Variants in MTFMT observed in about 807,000 individuals in gnomAD.
MTFMT encodes mitochondrial methionyl-tRNA formyltransferase.
A neutral mutation model predicts 51.8 loss-of-function variants in MTFMT; 47 were observed. The observed-to-expected ratio is 0.91, with a 90% CI of 0.72 to 1.16. MTFMT has a LOEUF of 1.16. MTFMT is among the 50% of genes most tolerant of loss of function. The pLI, the probability that MTFMT is intolerant of heterozygous loss-of-function variation, is 0.00. For missense variants in MTFMT, 512 were observed against 482.3 expected (o/e 1.06, Z -0.58); for synonymous variants, 196 against 176.7 (o/e 1.11, Z -0.87).
chr15:65,017,091 T>TAAAAAAAAAAAA (rs68058563), intron 5 of MTFMT, among the ~76,000 whole-genome samples: 1 of 140,330 alleles, frequency 7.1e-6, no homozygotes, highest in Non-Finnish European at 1.5e-5. Context: ...CAAAATAAAT[T>TAAAAAAAAAAAA]AAAAAAAAAA....
chr15:65,022,115 T>G (rs2086378557), intron 3 of MTFMT, among the ~76,000 whole-genome samples: 1 of 152,340 alleles, frequency 6.6e-6, no homozygotes, highest in South Asian at 2.1e-4. Flanking sequence ...ATTATTTATT[T>G]CTATAGTCCC....
At chr15:65,022,474 A>G (rs926185220) in intron 3 of MTFMT, among the ~76,000 whole-genome samples, 2 of 151,956 alleles carry the variant, frequency 1.3e-5, no homozygotes, top group African/African-American at 2.4e-5. Context: ...AAAAAAGTAA[A>G]TGCAAGTATA....
At chr15:65,005,212 C>T (rs972109053) in intron 7 of MTFMT, among the ~76,000 whole-genome samples, 3 of 152,156 alleles carry the variant, frequency 2.0e-5, no homozygotes, top group Non-Finnish European at 4.4e-5. Flanking sequence ...TTTGTGTTAG[C>T]GCTTTGGTGA....
chr15:65,012,986 T>C (rs1595889600), intron 6 of MTFMT, among the ~76,000 whole-genome samples: 2 of 152,290 alleles, frequency 1.3e-5, no homozygotes, highest in East Asian at 1.9e-4. Flanking sequence ...AATCAATGAA[T>C]ACTGGGGTCT....
intron 6 of MTFMT, among the ~76,000 whole-genome samples, chr15:65,015,620 T>G (rs1367858769): frequency 1.3e-5 from 2 of 152,234 alleles, no homozygotes; most frequent in African/African-American, 2.4e-5. Context: ...GCGGATCACT[T>G]GAGCTCAGCA....
At chr15:65,014,909 C>T (rs980705881) in intron 6 of MTFMT, among the ~76,000 whole-genome samples, 9 of 149,644 alleles carry the variant, frequency 6.0e-5, no homozygotes, top group African/African-American at 1.5e-4. Flanking sequence ...TGGGATTACA[C>T]GTGTGAGCCA....
At chr15:65,004,103 G>A (rs1258059664) in intron 8 of MTFMT, among the ~76,000 whole-genome samples, 7 of 151,306 alleles carry the variant, frequency 4.6e-5, no homozygotes, top group African/African-American at 9.7e-5. Context: ...CACAACCTCC[G>A]CTTCCCGGGC....
At chr15:65,025,443 T>C (rs993083030) in intron 2 of MTFMT, among the ~76,000 whole-genome samples, 17 of 144,868 alleles carry the variant, frequency 1.2e-4, no homozygotes, top group African/African-American at 3.5e-4. Flanking sequence ...AAATACATTT[T>C]GGCTGCTGGA....
intron 6 of MTFMT, among the ~76,000 whole-genome samples, chr15:65,014,804 G>A (rs1004026566): frequency 4.0e-5 from 6 of 150,324 alleles, no homozygotes; most frequent in Non-Finnish European, 8.9e-5. Context: ...ATTTTTTTGT[G>A]TGTTTTTAGT....
intron 4 of MTFMT, among the ~76,000 whole-genome samples, chr15:65,021,065 G>C (rs2086370111): frequency 6.6e-6 from 1 of 152,124 alleles, no homozygotes. Context: ...TATATACAAA[G>C]CCACAGAAAA....
At chr15:65,006,960 G>A (rs2086224371) in intron 6 of MTFMT, among the ~76,000 whole-genome samples, 1 of 152,224 alleles carries the variant, frequency 6.6e-6, no homozygotes, top group South Asian at 2.1e-4. Flanking sequence ...TATGCACAGT[G>A]GGCTTGACTC....
chr15:65,022,109 T>C (rs1359750647), intron 3 of MTFMT, among the ~76,000 whole-genome samples: 4 of 152,228 alleles, frequency 2.6e-5, no homozygotes, highest in Non-Finnish European at 4.4e-5. Flanking sequence ...TTCATAATTA[T>C]TTATTTCTAT....
At chr15:65,013,429 T>G (rs1307256485) in intron 6 of MTFMT, among the ~76,000 whole-genome samples, 1 of 152,156 alleles carries the variant, frequency 6.6e-6, no homozygotes, top group East Asian at 1.9e-4. Flanking sequence ...TCATTAAGTA[T>G]GATGTTAGTT....
intron 6 of MTFMT, among the ~76,000 whole-genome samples, chr15:65,013,447 C>T (rs538508135): frequency 1.3e-5 from 2 of 152,162 alleles, no homozygotes; most frequent in East Asian, 3.9e-4. Flanking sequence ...GTTACAGGGT[C>T]TTCATAGATG....
intron 6 of MTFMT, among the ~76,000 whole-genome samples, 187 bp from the exon 7 acceptor site, chr15:65,006,378 C>CTTTT (rs796457972): frequency 7.3e-6 from 1 of 136,226 alleles, no homozygotes. Flanking sequence ...TTTATAAGAT[C>CTTTT]TTTTTTTTTT....
chr15:65,020,173 A>G lies in MTFMT; in HGVS notation c.721+24T>C, dbSNP rs2086360063. ...GACAAGCAGAACCTTTAGAAAGATG[A>G]GAGTCTCTGCAGCCTTCACTCACCG... On this transcript the variant is annotated intron_variant, in intron 5 of 8. Coordinates refer to ENST00000220058, the MANE Select transcript of MTFMT (RefSeq NM_139242.4). The G allele has an allele frequency of 1.9e-6, 3 of 1,598,502 alleles. No individual in the cohort carries two copies. In the African/African-American group the frequency reaches 4.0e-5, roughly 22 times the overall value.
chr15:65,024,576 G>A (rs2086405565), intron 2 of MTFMT, among the ~76,000 whole-genome samples: 1 of 151,096 alleles, frequency 6.6e-6, no homozygotes, highest in Non-Finnish European at 1.5e-5. Flanking sequence ...ATGGCTCACT[G>A]CAGCCTCAAC....
Position 65,029,448 on chromosome 15 carries a change from C to G in MTFMT, c.166G>C (p.Asp56His), listed in dbSNP as rs1457351465. The change falls in exon 1 of 9, where the codon GAC becomes CAC. Residue 56 changes from aspartate to histidine, a missense_variant. By Grantham distance (81) the Asp-to-His change is moderately conservative. Transcript: ENST00000220058. ...PPWRVLFFGT[D>H]QFAREALRAL... ...CGCAGCGCCTCGCGGGCGAACTGGTCCGTGCCGAAGAAGAGCACCCGCCAG... is the reference window on the plus strand; with the variant it reads ...CGCAGCGCCTCGCGGGCGAACTGGTGCGTGCCGAAGAAGAGCACCCGCCAG... 1 of 1,527,070 alleles carries G rather than the reference C, an allele frequency of 6.5e-7. No homozygotes were observed. Among genetic ancestry groups the G allele is most frequent in the Non-Finnish European group, 8.8e-7 (1 of 1,139,734 alleles). 94.6% of individuals were successfully genotyped at this position (1,527,070 alleles called of 1,614,324 possible). A position where few individuals can be genotyped will look rare whatever the true frequency, so the allele number is the denominator to read the frequency against.
chr15:65,010,798 G>T (rs2086257894), intron 6 of MTFMT, among the ~76,000 whole-genome samples: 1 of 152,130 alleles, frequency 6.6e-6, no homozygotes, highest in Non-Finnish European at 1.5e-5. Flanking sequence ...TTCCACACAG[G>T]TTGCACCATT....
Sources: allele counts gnomAD v4.1 joint callset (sites outside exome capture counted in the v4.1 genomes callset), GRCh38; gene constraint gnomAD v4.1.1; transcripts MANE v1.5; gene names NCBI Gene and HGNC (gene_info 2026-07-23, HGNC 2026-07-21).